The following NFATC1 variants were observed in gnomAD, a reference collection of about 807,000 sequenced individuals.
NFATC1 encodes the protein nuclear factor of activated T-cells, cytoplasmic 1.
In NFATC1, 22 loss-of-function variants were observed where a neutral mutation model predicts 76.0. The ratio of observed to expected loss-of-function variants is 0.29; its 90% CI spans 0.21 to 0.41. The LOEUF is 0.41. NFATC1 is among the 10% of genes least tolerant of loss of function. The pLI is 1.00. For synonymous variants in NFATC1, 704 were observed against 613.1 expected (o/e 1.15, Z -2.19); for missense variants, 1,357 against 1,337.7 (o/e 1.01, Z -0.23).
chr18:79,473,610 TC>T, intron 8 of NFATC1, among the ~76,000 whole-genome samples: 2 of 141,356 alleles, frequency 1.4e-5, no homozygotes, highest in Non-Finnish European at 3.0e-5. Context: ...GGAAGCGTGT[TC>T]TCACACTCAC....
chr18:79,508,642 T>C (rs2090172839), intron 9 of NFATC1, among the ~76,000 whole-genome samples: 1 of 151,904 alleles, frequency 6.6e-6, no homozygotes, highest in African/African-American at 2.4e-5. Flanking sequence ...TGTCTCTCGG[T>C]CTGTCTCTTT....
At chr18:79,501,028 G>GA (rs985607329) in intron 9 of NFATC1, among the ~76,000 whole-genome samples, 1 of 149,470 alleles carries the variant, frequency 6.7e-6, no homozygotes, top group African/African-American at 2.4e-5. Flanking sequence ...AGTATCGTAA[G>GA]AAAAACTATA....
intron 9 of NFATC1, among the ~76,000 whole-genome samples, chr18:79,519,838 T>A (rs2145206425): frequency 6.6e-6 from 1 of 152,170 alleles, no homozygotes; most frequent in African/African-American, 2.4e-5. Context: ...CAGCTTAAAG[T>A]GGGATTATTT....
chr18:79,455,760 TCCCAC>T (rs1568984134), intron 6 of NFATC1, among the ~76,000 whole-genome samples: 13 of 116,620 alleles, frequency 1.1e-4, no homozygotes, highest in South Asian at 9.0e-4. Flanking sequence ...GGCCGCCCCA[TCCCAC>T]GGCCGCCCCA....
At chr18:79,401,346 A>C (rs1439325468) in intron 1 of NFATC1, among the ~76,000 whole-genome samples, 1 of 152,104 alleles carries the variant, frequency 6.6e-6, no homozygotes, top group Non-Finnish European at 1.5e-5. Context: ...CGTATCGTTC[A>C]CTACTCTCTT....
chr18:79,528,241 T>C lies in NFATC1; in HGVS notation c.*664T>C. 1 of 292,240 alleles carries C rather than the reference T, an allele frequency of 3.4e-6. No individual in the cohort carries two copies. Among genetic ancestry groups the C allele is most frequent in the Non-Finnish European group, 6.3e-6 (1 of 158,918 alleles). The allele number at this position is 292,240 out of a possible 1,614,324, so 18.1% of individuals were successfully genotyped here. On this transcript the variant is annotated 3_prime_UTR_variant, in exon 10 of 10. Coordinates refer to ENST00000427363, the MANE Select transcript of NFATC1 (RefSeq NM_001278669.2). ...GCGGTTGAAACCGTAGGCTTGTTCA[T>C]AGTCGCATGCTCGCATCTTTGTTTT...
chr18:79,484,146 C>T (rs1422274763), intron 8 of NFATC1, among the ~76,000 whole-genome samples: 1 of 152,028 alleles, frequency 6.6e-6, no homozygotes, highest in Admixed American at 6.5e-5. Flanking sequence ...GTTCTCCCTC[C>T]CCTGCCCTGG....
chr18:79,527,671 C>T lies in NFATC1; in HGVS notation c.*94C>T. The T allele has an allele frequency of 5.4e-6, 6 of 1,107,618 alleles. No homozygotes were observed. The highest frequency in any genetic ancestry group is 8.2e-6 in the Non-Finnish European group (6 of 729,830). The allele number at this position is 1,107,618 out of a possible 1,614,324, so 68.6% of individuals were successfully genotyped here. A position where few individuals can be genotyped will look rare whatever the true frequency, so the allele number is the denominator to read the frequency against. On this transcript the variant is annotated 3_prime_UTR_variant, in exon 10 of 10. Coordinates refer to ENST00000427363, the MANE Select transcript of NFATC1 (RefSeq NM_001278669.2). The stretch of plus-strand genomic sequence containing the variant: ...TAAACTGAACTCACACCTGGTACCA[C>T]TCAGAACCTCCAACTGACTGAATGC...
chr18:79,423,584 G>A, intron 2 of NFATC1, among the ~76,000 whole-genome samples: 1 of 152,202 alleles, frequency 6.6e-6, no homozygotes, highest in Non-Finnish European at 1.5e-5. Context: ...CCACTGTCCT[G>A]GTGGAAGGGG....
At chr18:79,501,255 AAAAG>A (rs2090006715) in intron 9 of NFATC1, among the ~76,000 whole-genome samples, 1 of 152,254 alleles carries the variant, frequency 6.6e-6, no homozygotes, top group Non-Finnish European at 1.5e-5. Flanking sequence ...ATGCAAGAAA[AAAAG>A]CATTTAACAA....
chr18:79,523,170 ATGG>A (rs1252207574), intron 9 of NFATC1, among the ~76,000 whole-genome samples: 1 of 152,242 alleles, frequency 6.6e-6, no homozygotes, highest in Non-Finnish European at 1.5e-5. Context: ...TGCTGGGGAA[ATGG>A]TAGTTTGTTC....
At chr18:79,424,963 C>T (rs58182234) in intron 2 of NFATC1, among the ~76,000 whole-genome samples, 1 of 138,254 alleles carries the variant, frequency 7.2e-6, no homozygotes, top group African/African-American at 3.0e-5. Context: ...GTGTCTGTCT[C>T]TCCGTCTCTG....
intron 2 of NFATC1, among the ~76,000 whole-genome samples, chr18:79,426,364 C>T (rs918316548): frequency 6.6e-6 from 1 of 152,186 alleles, no homozygotes; most frequent in African/African-American, 2.4e-5. Flanking sequence ...ATGAACGGCT[C>T]CTCCCGTGGA....
intron 8 of NFATC1, among the ~76,000 whole-genome samples, chr18:79,481,910 G>A (rs1212827335): frequency 6.7e-6 from 1 of 149,344 alleles, no homozygotes; most frequent in Non-Finnish European, 1.5e-5. Flanking sequence ...CTGGTCCTGG[G>A]GTGTCATTCC....
chr18:79,494,763 G>T, intron 9 of NFATC1, among the ~76,000 whole-genome samples: 1 of 72,868 alleles, frequency 1.4e-5, no homozygotes, highest in Middle Eastern at 0.011. Flanking sequence ...TGGTACCGCC[G>T]GGGGAAGGCG....
intron 2 of NFATC1, among the ~76,000 whole-genome samples, chr18:79,427,343 G>A (rs1418718490): frequency 6.6e-6 from 1 of 151,528 alleles, no homozygotes; most frequent in African/African-American, 2.4e-5. Context: ...CTGGACAGCT[G>A]GCCTTGGTGT....
chr18:79,457,420 G>A (rs913951485), intron 6 of NFATC1, among the ~76,000 whole-genome samples: 4 of 152,112 alleles, frequency 2.6e-5, no homozygotes, highest in African/African-American at 9.7e-5. Context: ...GGGAGGCCAC[G>A]CGTCACGTCA....
chr18:79,478,499 G>C (rs950162264), intron 8 of NFATC1, among the ~76,000 whole-genome samples: 1 of 152,200 alleles, frequency 6.6e-6, no homozygotes, highest in Non-Finnish European at 1.5e-5. Flanking sequence ...AACAGGAACC[G>C]TTCGAGGGGC....
Position 79,516,916 on chromosome 18 carries a change from A to G in NFATC1, c.2783-10612A>G, listed in dbSNP as rs2090399161. ...TTAAATGAGAGCCATACAAGTCTAA[A>G]TGTGTATGTCAGATGGAAAAATTGA... On this transcript the variant is annotated intron_variant, in intron 9 of 9. Transcript: ENST00000427363. Among the ~76,000 whole-genome samples the G allele has an allele frequency of 2.0e-5, 3 of 152,360 alleles. No homozygotes were observed. The South Asian group carries it at 6.2e-4, about 32-fold the overall frequency.
Sources: gnomAD v4.1 joint callset for allele counts (sites outside exome capture counted in the v4.1 genomes callset) on GRCh38, gnomAD v4.1.1 for gene constraint, MANE v1.5 for transcripts, NCBI Gene and HGNC (gene_info 2026-07-23, HGNC 2026-07-21) for gene names.